CFAP54: variants seen among roughly 807,000 people sequenced by gnomAD.
CFAP54 encodes the protein cilia and flagella associated protein 54, also known as cilia- and flagella-associated protein 54.
A neutral mutation model predicts 370.4 loss-of-function variants in CFAP54; 290 were observed. The ratio of observed to expected loss-of-function variants is 0.78; its 90% CI spans 0.71 to 0.86. The LOEUF (loss-of-function observed/expected upper bound fraction) is 0.86. Ranked by LOEUF, CFAP54 falls within the 40% of genes least tolerant of loss-of-function variation. The pLI, the probability that CFAP54 is intolerant of heterozygous loss-of-function variation, is 0.00. For missense variants in CFAP54, 3,399 were observed against 3,528.7 expected (o/e 0.96, Z 0.93); for synonymous variants, 1,206 against 1,236.5 (o/e 0.98, Z 0.52).
intron 63 of CFAP54, among the ~76,000 whole-genome samples, chr12:96,803,767 A>C (rs1958848989): frequency 3.3e-5 from 5 of 152,214 alleles, no homozygotes; most frequent in Admixed American, 3.3e-4. Flanking sequence ...CAATTTCATA[A>C]AATTGGAACA....
At position 96,750,285 on chromosome 12, in the gene CFAP54, T is replaced by TGCAGCAGCAGCA. The variant is rs372696653; in HGVS notation, c.7685-3440_7685-3429dup. Among the ~76,000 whole-genome samples the TGCAGCAGCAGCA allele has an allele frequency of 1.8e-4, 28 of 151,632 alleles. 1 individual carries two copies. Among genetic ancestry groups the TGCAGCAGCAGCA allele is most frequent in the East Asian group, 9.7e-4 (5 of 5,162 alleles). ...CACCTTCTAGGACCCACCTGTCTCCTGCAGCAGCAGCAGCAGCAGCAGCAG... is the reference window on the plus strand; with the variant it reads ...CACCTTCTAGGACCCACCTGTCTCCTGCAGCAGCAGCAGCAGCAGCAGCAGCAGCAGCAGCAG... On this transcript the variant is annotated intron_variant, in intron 55 of 67. Coordinates refer to ENST00000524981, the MANE Select transcript of CFAP54 (RefSeq NM_001306084.2).
intron 63 of CFAP54, among the ~76,000 whole-genome samples, chr12:96,804,825 T>C (rs11108700): frequency 0.34 from 52,379 of 151,924 alleles, 9,335 homozygotes; most frequent in South Asian, 0.55. Flanking sequence ...AGGCATCACA[T>C]TACCTCACTT....
chr12:96,512,287 C>A (rs1175882397), intron 4 of CFAP54, among the ~76,000 whole-genome samples: 1 of 111,936 alleles, frequency 8.9e-6, no homozygotes, highest in African/African-American at 3.3e-5. Context: ...ATAAGGAAAC[C>A]ATGGGAACCA....
At chr12:96,826,798 A>C (rs1341568201) in intron 65 of CFAP54, among the ~76,000 whole-genome samples, 1 of 113,152 alleles carries the variant, frequency 8.8e-6, no homozygotes, top group East Asian at 2.3e-4. Context: ...AATAATATAT[A>C]ATTATATATT....
At position 96,737,496 on chromosome 12, in the gene CFAP54, G is replaced by GTT. The variant is rs398039990; in HGVS notation, c.6966-2450_6966-2449dup. On this transcript the variant is annotated intron_variant, in intron 50 of 67. Coordinates refer to ENST00000524981, the MANE Select transcript of CFAP54 (RefSeq NM_001306084.2). ...TATATTTTATATATATATATGTTTT[G>GTT]TTTTTTTTTTTGAGACAGAGTCTTG... is the stretch of plus-strand genomic sequence containing the variant. Among the ~76,000 whole-genome samples, 1,159 of 143,482 alleles carry GTT rather than the reference G, an allele frequency of 8.1e-3. 15 individuals are homozygous for GTT. The highest frequency in any genetic ancestry group is 0.025 in the African/African-American group (994 of 39,470). The allele number at this position is 143,482 out of a possible 152,430, so 94.1% of individuals were successfully genotyped here.
At chr12:96,835,168 C>T (rs1413286235) in intron 66 of CFAP54, among the ~76,000 whole-genome samples, 7 of 152,000 alleles carry the variant, frequency 4.6e-5, no homozygotes. Context: ...GCAGGTAGTC[C>T]CAACATCTCT....
intron 62 of CFAP54, among the ~76,000 whole-genome samples, chr12:96,787,687 A>G (rs1958642193): frequency 6.6e-6 from 1 of 152,184 alleles, no homozygotes; most frequent in Non-Finnish European, 1.5e-5. Flanking sequence ...TGGAGAAAGG[A>G]TGGATAAAGC....
intron 63 of CFAP54, among the ~76,000 whole-genome samples, chr12:96,811,524 G>T (rs550790264): frequency 6.6e-6 from 1 of 152,192 alleles, no homozygotes; most frequent in East Asian, 1.9e-4. Context: ...ATATCATATT[G>T]TTACCAAATA....
chr12:96,525,455 C>T (rs1955368908), intron 8 of CFAP54, among the ~76,000 whole-genome samples: 1 of 151,830 alleles, frequency 6.6e-6, no homozygotes, highest in Admixed American at 6.6e-5. Flanking sequence ...ATTTCATTTA[C>T]AGCTCTGATA....
chr12:96,844,320 A>G (rs1959274530), intron 66 of CFAP54, among the ~76,000 whole-genome samples: 2 of 152,174 alleles, frequency 1.3e-5, no homozygotes, highest in Admixed American at 6.5e-5. Flanking sequence ...GGAGACGGCC[A>G]TGTGATGACG....
chr12:96,758,178 G>A (rs1958286442), intron 58 of CFAP54, among the ~76,000 whole-genome samples: 1 of 152,188 alleles, frequency 6.6e-6, no homozygotes, highest in Non-Finnish European at 1.5e-5. Flanking sequence ...ACCAGTAAAG[G>A]AAGGAGATCA....
intron 50 of CFAP54, among the ~76,000 whole-genome samples, chr12:96,737,383 T>A (rs1273612447): frequency 1.3e-5 from 2 of 151,728 alleles, no homozygotes; most frequent in African/African-American, 2.4e-5. Flanking sequence ...TATCTTTTTT[T>A]AAAAAAGATT....
intron 34 of CFAP54, among the ~76,000 whole-genome samples, chr12:96,649,625 A>G (rs1167543106): frequency 6.6e-6 from 1 of 152,184 alleles, no homozygotes; most frequent in Non-Finnish European, 1.5e-5. Flanking sequence ...CTACTTCTGC[A>G]TTGTTCCTTT....
chr12:96,691,509 A>G lies in CFAP54; in HGVS notation c.6264+199A>G, dbSNP rs1957387842. 2.6e-5 allele frequency among the ~76,000 whole-genome samples: 4 copies of G among 152,308 alleles called. No homozygotes were observed. In the South Asian group the frequency reaches 8.3e-4, roughly 32 times the overall value. Reference sequence around the variant, plus strand: ...TTCTTTGCATTTTGGATACAAAAGCAGTCTATTTGACTTTTTCTCCTTTTA... The same window carrying G: ...TTCTTTGCATTTTGGATACAAAAGCGGTCTATTTGACTTTTTCTCCTTTTA... On this transcript the variant is annotated intron_variant, in intron 44 of 67. Coordinates refer to ENST00000524981, the MANE Select transcript of CFAP54 (RefSeq NM_001306084.2).
intron 26 of CFAP54, among the ~76,000 whole-genome samples, chr12:96,615,808 A>G (rs548520353): frequency 9.2e-5 from 14 of 152,340 alleles, no homozygotes; most frequent in Admixed American, 4.6e-4. Context: ...CAAAACCACA[A>G]TGAGATACCA....
At position 96,660,987 on chromosome 12, in the gene CFAP54, G is replaced by T. The variant is rs76343237; in HGVS notation, c.5460+2641G>T. Among the ~76,000 whole-genome samples the T allele has an allele frequency of 8.4e-3, 1,275 of 152,268 alleles. 59 individuals carry two copies. In the East Asian group the frequency reaches 0.097, roughly 12 times the overall value. On this transcript the variant is annotated intron_variant, in intron 38 of 67. Coordinates refer to ENST00000524981, the MANE Select transcript of CFAP54 (RefSeq NM_001306084.2). The stretch of plus-strand genomic sequence containing the variant: ...GAGATACATAGGGTGAGGCAGAGGG[G>T]AAGGGGCACAGAGCTTTCATGGATC...
At chr12:96,559,147 C>T (rs1004586731) in intron 17 of CFAP54, among the ~76,000 whole-genome samples, 5 of 151,972 alleles carry the variant, frequency 3.3e-5, no homozygotes, top group Admixed American at 6.6e-5. Context: ...ACCTGGGAGG[C>T]GGAGATTGCA....
In CFAP54 at chr12:96,757,576, A is replaced by G. The variant is rs1490918310; in HGVS notation, c.8028A>G (p.Pro2676=). 1.3e-6 allele frequency: 2 copies of G among 1,576,282 alleles called. No homozygotes were observed. Among genetic ancestry groups the G allele is most frequent in the African/African-American group, 1.3e-5 (1 of 74,412 alleles). ...CAAAGATAAAAATTTCAGGATCACC[A>G]TTAACACTTAAGGTAAGAGTCTATT... The part of the protein sequence containing the change: ...KKPKIKISGS[P]LTLKPPLRRS... The change falls in exon 58 of 68, where the codon CCA becomes CCG. Residue 2676 remains proline, a synonymous_variant. Transcript: ENST00000524981.
chr12:96,527,257 A>G lies in CFAP54; in HGVS notation c.1170A>G (p.Pro390=), dbSNP rs1489110678. ...TTTCTCAATTTCAGTTATCATGGCCACGAACTGTCACAGAGCGGCTACTGG... is the reference window on the plus strand; with the variant it reads ...TTTCTCAATTTCAGTTATCATGGCCGCGAACTGTCACAGAGCGGCTACTGG... The part of the protein sequence containing the change: ...NLREVQTLSW[P]RTVTERLLDE... Residue 390 remains proline (P), a synonymous_variant, in exon 9 of 68, where the codon CCA becomes CCG. Coordinates refer to ENST00000524981, the MANE Select transcript of CFAP54 (RefSeq NM_001306084.2). 1.3e-6 allele frequency: 2 copies of G among 1,514,032 alleles called. No homozygotes were observed. The highest frequency in any genetic ancestry group is 1.8e-6 in the Non-Finnish European group (2 of 1,137,578). The allele number at this position is 1,514,032 out of a possible 1,614,324, so 93.8% of individuals were successfully genotyped here.
Sources: allele counts gnomAD v4.1 joint callset (sites outside exome capture counted in the v4.1 genomes callset), GRCh38; gene constraint gnomAD v4.1.1; transcripts MANE v1.5; gene names NCBI Gene and HGNC (gene_info 2026-07-23, HGNC 2026-07-21).